BASP1: variants seen among roughly 807,000 people sequenced by gnomAD.
The protein encoded by BASP1 is brain acid soluble protein 1.
BASP1 carries 1 observed loss-of-function variant against 2.2 expected under a neutral mutation model. The ratio of observed to expected loss-of-function variants is 0.46; its 90% CI spans 0.16 to 2.17. The LOEUF is 2.17. BASP1 is among the 30% of genes most tolerant of loss of function. The probability of loss-of-function intolerance (pLI) is 0.27; values close to 1 mark genes in which losing one functional copy is unlikely to be tolerated. For synonymous variants in BASP1, 187 were observed against 154.2 expected (o/e 1.21, Z -1.58); for missense variants, 352 against 327.2 (o/e 1.08, Z -0.58).
At chr5:17,265,078 G>A (rs1224868461) in intron 1 of BASP1, among the ~76,000 whole-genome samples, 4 of 152,138 alleles carry the variant, frequency 2.6e-5, no homozygotes, top group African/African-American at 9.7e-5. Flanking sequence ...CAGAACCATG[G>A]TATTGTTAAT....
chr5:17,239,515 A>G (rs1739817840), intron 1 of BASP1, among the ~76,000 whole-genome samples: 2 of 152,154 alleles, frequency 1.3e-5, no homozygotes, highest in Admixed American at 1.3e-4. Context: ...TAGTACATGG[A>G]ACAGAAGGCC....
intron 1 of BASP1, among the ~76,000 whole-genome samples, chr5:17,222,986 C>T (rs1249303650): frequency 6.6e-6 from 1 of 151,696 alleles, no homozygotes. Context: ...AGCATTTACA[C>T]AATATTTTCC....
intron 1 of BASP1, among the ~76,000 whole-genome samples, chr5:17,269,747 A>G (rs1740493080): frequency 6.6e-6 from 1 of 152,230 alleles, no homozygotes; most frequent in Non-Finnish European, 1.5e-5. Context: ...ATTCTTCTGC[A>G]GGAAGTAGCA....
At position 17,275,944 on chromosome 5, in the gene BASP1, C is replaced by CCT. The variant is rs59080603; in HGVS notation, c.*69_*70dup. 0.062 allele frequency: 66,818 copies of CCT among 1,080,688 alleles called. 340 individuals carry two copies. The highest frequency in any genetic ancestry group is 0.077 in the Middle Eastern group (236 of 3,066). 66.9% of individuals were successfully genotyped at this position (1,080,688 alleles called of 1,614,324 possible). Reference sequence around the variant, plus strand: ...AAAACAATACCACTTAAAACAATCTCCTCTCTCTCTCTCTCTCTCTCTCTC... The same window carrying CCT: ...AAAACAATACCACTTAAAACAATCTCCTCTCTCTCTCTCTCTCTCTCTCTCTC... On this transcript the variant is annotated 3_prime_UTR_variant, in exon 2 of 2. Transcript: ENST00000322611. The surrounding 1 kb of genome is among the most constrained non-coding windows in gnomAD (Gnocchi z 5.3).
intron 1 of BASP1, among the ~76,000 whole-genome samples, chr5:17,219,362 C>CTG (rs980474776): frequency 6.6e-6 from 1 of 152,126 alleles, no homozygotes; most frequent in East Asian, 1.9e-4. Flanking sequence ...TTTTTCCCGC[C>CTG]TGTGTGTGTG....
rs185026077 is a variant in BASP1, at chr5:17,244,921, C to T, written c.-10+27111C>T. On this transcript the variant is annotated intron_variant, in intron 1 of 1. Coordinates refer to ENST00000322611, the MANE Select transcript of BASP1 (RefSeq NM_006317.5). ...GGCCAGGCTGGTCTCATGATCCACC[C>T]GCCTCGGCCTCCCAAAGTGCTGGGA... Among the ~76,000 whole-genome samples the T allele has an allele frequency of 1.6e-4, 24 of 150,778 alleles. No homozygotes were observed. The East Asian group carries it at 4.0e-3, about 25-fold the overall frequency.
At chr5:17,259,445 G>A (rs1008835497) in intron 1 of BASP1, among the ~76,000 whole-genome samples, 2 of 152,102 alleles carry the variant, frequency 1.3e-5, no homozygotes, top group Non-Finnish European at 2.9e-5. Flanking sequence ...TATTAATTTG[G>A]CAAACATTTA....
intron 1 of BASP1, among the ~76,000 whole-genome samples, chr5:17,242,138 A>T (rs1399132497): frequency 6.6e-6 from 1 of 152,152 alleles, no homozygotes; most frequent in African/African-American, 2.4e-5. Flanking sequence ...GCGTTCTTTG[A>T]TGCACCATTA....
intron 1 of BASP1, among the ~76,000 whole-genome samples, chr5:17,264,643 T>C (rs921995940): frequency 2.0e-5 from 3 of 152,210 alleles, no homozygotes; most frequent in Non-Finnish European, 2.9e-5. Context: ...GAAAAGGAGA[T>C]GACTTCTTGT....
chr5:17,242,177 G>A (rs1236554110), intron 1 of BASP1, among the ~76,000 whole-genome samples: 1 of 152,166 alleles, frequency 6.6e-6, no homozygotes, highest in Non-Finnish European at 1.5e-5. Context: ...CTCAACCATA[G>A]TGAATGTGTA....
chr5:17,276,003 C>G lies in BASP1; in HGVS notation c.*103C>G. The G allele has an allele frequency of 1.0e-6, 1 of 968,936 alleles. No individual in the cohort carries two copies. Among genetic ancestry groups the G allele is most frequent in the Non-Finnish European group, 1.4e-6 (1 of 693,840 alleles). 60.0% of individuals were successfully genotyped at this position (968,936 alleles called of 1,614,324 possible). ...TCTCTATCTCCTCTCTCTCTCTCCT[C>G]TCCTATCTCTCCTCTCTCTCTCTCC... is the stretch of plus-strand genomic sequence containing the variant. On this transcript the variant is annotated 3_prime_UTR_variant, in exon 2 of 2. Coordinates refer to ENST00000322611, the MANE Select transcript of BASP1 (RefSeq NM_006317.5).
At chr5:17,217,619 G>GGCGGCGGCGGCAGTAGCGGCA (rs1739283307), upstream of BASP1, 2 of 156,290 alleles carry the variant, frequency 1.3e-5, no homozygotes, top group African/African-American at 4.8e-5. Flanking sequence ...CTGCAGCGGC[G>GGCGGCGGCGGCAGTAGCGGCA]GCGGCGGCGG....
In BASP1 at chr5:17,276,341, A is replaced by G. The variant is rs975652451; in HGVS notation, c.*441A>G. ...TGATTCTGCCCACAGGGCCTGTGCCAAGGCAATCAGATCTTTATGAGAGCA... is the reference window on the plus strand; with the variant it reads ...TGATTCTGCCCACAGGGCCTGTGCCGAGGCAATCAGATCTTTATGAGAGCA... On this transcript the variant is annotated 3_prime_UTR_variant, in exon 2 of 2. Coordinates refer to ENST00000322611, the MANE Select transcript of BASP1 (RefSeq NM_006317.5). 1 of 169,778 alleles carries G rather than the reference A, an allele frequency of 5.9e-6. No individual in the cohort carries two copies. Among genetic ancestry groups the G allele is most frequent in the African/African-American group, 2.4e-5 (1 of 41,608 alleles). 10.5% of individuals were successfully genotyped at this position (169,778 alleles called of 1,614,324 possible). A position where few individuals can be genotyped will look rare whatever the true frequency, so the allele number is the denominator to read the frequency against.
rs549332840 is a variant in BASP1, at chr5:17,253,780, T to G, written c.-9-21428T>G. ...CATCCCGATACCTGGGGTTACAGAC[T>G]GGAATCTGTGATCAAGGGAGAGCGT... On this transcript the variant is annotated intron_variant, in intron 1 of 1. Transcript: ENST00000322611. Among the ~76,000 whole-genome samples, 3 of 152,314 alleles carry G rather than the reference T, an allele frequency of 2.0e-5. 1 individual carries two copies. Among genetic ancestry groups the G allele is most frequent in the South Asian group, 4.1e-4 (2 of 4,826 alleles).
intron 1 of BASP1, among the ~76,000 whole-genome samples, chr5:17,223,961 G>A (rs948794098): frequency 1.3e-5 from 2 of 152,216 alleles, no homozygotes; most frequent in South Asian, 2.1e-4. Context: ...AAAACTGAAA[G>A]TTGTATTATG....
chr5:17,225,596 C>T (rs988943181), intron 1 of BASP1, among the ~76,000 whole-genome samples: 4 of 152,138 alleles, frequency 2.6e-5, no homozygotes, highest in African/African-American at 7.2e-5. Flanking sequence ...GGGAAGCTGG[C>T]GATGGTGGGT....
chr5:17,267,402 A>C (rs897929993), intron 1 of BASP1, among the ~76,000 whole-genome samples: 1 of 152,210 alleles, frequency 6.6e-6, no homozygotes, highest in African/African-American at 2.4e-5. Flanking sequence ...TTCCTTACAG[A>C]GTTTACACAT....
intron 1 of BASP1, among the ~76,000 whole-genome samples, chr5:17,267,612 G>T (rs371884206): frequency 2.0e-5 from 3 of 151,136 alleles, no homozygotes; most frequent in Admixed American, 2.0e-4. Flanking sequence ...TCCGCCTCCC[G>T]GGTTCAAGCG....
chr5:17,248,525 A>G (rs148038657), intron 1 of BASP1, among the ~76,000 whole-genome samples: 230 of 152,272 alleles, frequency 1.5e-3, no homozygotes, highest in African/African-American at 5.1e-3. Flanking sequence ...CCAATTGGAC[A>G]TGACTCTCGG....
Sources: gnomAD v4.1 joint callset for allele counts (sites outside exome capture counted in the v4.1 genomes callset) on GRCh38, gnomAD v4.1.1 for gene constraint, Gnocchi (gnomAD v3.1) non-coding constraint, MANE v1.5 for transcripts, NCBI Gene and HGNC (gene_info 2026-07-23, HGNC 2026-07-21) for gene names.